Variants in SAMD5 observed in about 807,000 individuals in gnomAD.
SAMD5 encodes the protein sterile alpha motif domain containing 5.
SAMD5 carries 13 observed loss-of-function variants against 11.3 expected under a neutral mutation model. The observed-to-expected ratio is 1.15, with a 90% confidence interval of 0.75 to 1.83. The LOEUF is 1.83. SAMD5 is among the 40% of genes most tolerant of loss of function. The pLI, the probability that SAMD5 is intolerant of heterozygous loss-of-function variation, is 0.00. For missense variants in SAMD5, 255 were observed against 239.1 expected, an observed-to-expected ratio of 1.07 and a Z score of -0.44; for synonymous variants, 129 against 111.3, an observed-to-expected ratio of 1.16 and a Z score of -1.00.
At chr6:147,518,670 T>C (rs1788208579) in intron 1 of SAMD5, among the ~76,000 whole-genome samples, 1 of 152,186 alleles carries the variant, frequency 6.6e-6, no homozygotes, top group African/African-American at 2.4e-5. Flanking sequence ...GAACCATAAT[T>C]GATGACACAC....
At chr6:147,632,456 GTA>G (rs1413899008) in intron 1 of SAMD5, among the ~76,000 whole-genome samples, 5 of 152,300 alleles carry the variant, frequency 3.3e-5, no homozygotes, top group South Asian at 2.1e-4. Flanking sequence ...GGGGCAGAAA[GTA>G]TATGAGTCAG....
At chr6:147,680,553 A>G (rs1790926971) in intron 1 of SAMD5, among the ~76,000 whole-genome samples, 1 of 152,102 alleles carries the variant, frequency 6.6e-6, no homozygotes, top group Non-Finnish European at 1.5e-5. Flanking sequence ...ACTATGTTTA[A>G]TAGATATGGT....
At chr6:147,835,915 C>A in the SAMD5 span, among the ~76,000 whole-genome samples, 1 of 152,144 alleles carries the variant, frequency 6.6e-6, no homozygotes, top group East Asian at 1.9e-4. Context: ...TGCCTTCTGC[C>A]CCTCATTCCT....
rs1790663598 is a variant in SAMD5, at chr6:147,662,656, C to T, written c.163-74661C>T. On this transcript the variant is annotated intron_variant, in intron 1 of 1. Coordinates refer to the SAMD5 transcript ENST00000566741. Reference sequence around the variant, plus strand: ...AGGTCCCCTCACTTAGATTCTTTATCATGGGTGAGAGTGTCCAGATGAAAA... The same window carrying T: ...AGGTCCCCTCACTTAGATTCTTTATTATGGGTGAGAGTGTCCAGATGAAAA... 3.9e-5 allele frequency among the ~76,000 whole-genome samples: 6 copies of T among 152,166 alleles called. No homozygotes were observed. In the South Asian group the frequency reaches 1.2e-3, roughly 32 times the overall value.
At chr6:147,914,362 C>T in the SAMD5 span, among the ~76,000 whole-genome samples, 19,057 of 151,998 alleles carry the variant, frequency 0.13, 1,376 homozygotes, top group African/African-American at 0.19. Context: ...AACAAGATAA[C>T]CACAAGGCAT....
rs1013499465 is a variant in SAMD5, at chr6:147,568,965, G to T, written c.*4509G>T. The T allele has an allele frequency of 4.0e-5, 35 of 883,096 alleles. No homozygotes were observed. The highest frequency in any genetic ancestry group is 6.2e-5 in the Admixed American group (1 of 16,136). 54.7% of individuals were successfully genotyped at this position (883,096 alleles called of 1,614,324 possible). On this transcript the variant is annotated 3_prime_UTR_variant, in exon 2 of 2. Coordinates refer to ENST00000367474, the MANE Select transcript of SAMD5 (RefSeq NM_001030060.3). Reference sequence around the variant, plus strand: ...AAAATGGCTGGGCACGGTGGCTCACGCCTGTAATCCCAGCACTTTGGGAGG... The same window carrying T: ...AAAATGGCTGGGCACGGTGGCTCACTCCTGTAATCCCAGCACTTTGGGAGG...
chr6:147,859,333 T>G, the SAMD5 span, among the ~76,000 whole-genome samples: 2 of 152,156 alleles, frequency 1.3e-5, no homozygotes, highest in African/African-American at 2.4e-5. Context: ...ATGCCTACCA[T>G]AGGAAACAAT....
the SAMD5 span, among the ~76,000 whole-genome samples, chr6:147,788,390 A>T: frequency 6.6e-6 from 1 of 152,350 alleles, no homozygotes; most frequent in East Asian, 1.9e-4. Context: ...ATGAACTTGA[A>T]TATTATATTG....
intron 1 of SAMD5, among the ~76,000 whole-genome samples, chr6:147,612,906 T>C (rs989779715): frequency 1.3e-5 from 2 of 152,140 alleles, no homozygotes; most frequent in East Asian, 1.9e-4. Context: ...TCAGCTTTTA[T>C]GGAAAAATTT....
At chr6:147,690,567 G>A (rs1421455007) in intron 1 of SAMD5, among the ~76,000 whole-genome samples, 3 of 152,014 alleles carry the variant, frequency 2.0e-5, no homozygotes, top group Non-Finnish European at 4.4e-5. Flanking sequence ...GAGAATCACT[G>A]GAACCCAGGA....
Position 147,566,433 on chromosome 6 carries a change from C to T in SAMD5, c.*1977C>T, listed in dbSNP as rs702347. On this transcript the variant is annotated 3_prime_UTR_variant, in exon 2 of 2. Coordinates refer to ENST00000367474, the MANE Select transcript of SAMD5 (RefSeq NM_001030060.3). ...TGACCTCATTTCCAGGTGTCGCATC[C>T]GTGGCTGATTTATTTCACAGATGTA... is the stretch of plus-strand genomic sequence containing the variant. 369,395 of 983,850 alleles carry T rather than the reference C, an allele frequency of 0.38. 70,262 individuals are homozygous for T. Among genetic ancestry groups the T allele is most frequent in the African/African-American group, 0.52 (29,980 of 57,148 alleles). 60.9% of individuals were successfully genotyped at this position (983,850 alleles called of 1,614,324 possible).
the SAMD5 span, among the ~76,000 whole-genome samples, chr6:147,906,678 G>A: frequency 6.6e-6 from 1 of 152,180 alleles, no homozygotes; most frequent in Non-Finnish European, 1.5e-5. Context: ...TGCTCAGTGA[G>A]GTGGGAGAAG....
chr6:147,574,743 G>C (rs1314359151), downstream of SAMD5, among the ~76,000 whole-genome samples: 1 of 152,206 alleles, frequency 6.6e-6, no homozygotes, highest in African/African-American at 2.4e-5. Flanking sequence ...AGAAGGGTAA[G>C]AGACTGAATG....
intron 1 of SAMD5, among the ~76,000 whole-genome samples, chr6:147,727,102 C>T (rs574552571): frequency 6.6e-6 from 1 of 152,236 alleles, no homozygotes; most frequent in South Asian, 2.1e-4. Context: ...TATCCTGTGT[C>T]CCCCATAACC....
At chr6:147,604,277 GAA>G (rs1290722973) in intron 1 of SAMD5, among the ~76,000 whole-genome samples, 2 of 151,350 alleles carry the variant, frequency 1.3e-5, no homozygotes, top group South Asian at 2.1e-4. Flanking sequence ...TTAGATCAGT[GAA>G]AAGTCTCATT....
chr6:147,618,652 G>A lies in SAMD5; in HGVS notation c.162+109265G>A, dbSNP rs186147855. Among the ~76,000 whole-genome samples the A allele has an allele frequency of 2.1e-3, 324 of 152,276 alleles. 2 individuals are homozygous for A. Among genetic ancestry groups the A allele is most frequent in the African/African-American group, 7.5e-3 (313 of 41,572 alleles). On this transcript the variant is annotated intron_variant, in intron 1 of 1. Transcript: ENST00000566741. ...GTACCACTAACACCCAGTCCTTGGC[G>A]GGAGCCCATTATCTAGTCAGTCTGG...
At chr6:147,563,803 C>T (rs2128444480) in intron 1 of SAMD5, among the ~76,000 whole-genome samples, 1 of 152,360 alleles carries the variant, frequency 6.6e-6, no homozygotes, top group Non-Finnish European at 1.5e-5. Flanking sequence ...TAATTAACCT[C>T]TTTCCAGCTC....
At chr6:147,626,966 C>T (rs978983056) in intron 1 of SAMD5, among the ~76,000 whole-genome samples, 2 of 152,090 alleles carry the variant, frequency 1.3e-5, no homozygotes, top group Non-Finnish European at 2.9e-5. Context: ...TTCTTTCTTT[C>T]TCTAGGTCTT....
At chr6:147,698,312 C>T (rs62436333) in intron 1 of SAMD5, among the ~76,000 whole-genome samples, 6,958 of 152,170 alleles carry the variant, frequency 0.046, 184 homozygotes, top group African/African-American at 0.064. Flanking sequence ...CCCAGAGACC[C>T]CACCTCCTAA....
Sources: gnomAD v4.1 joint callset for allele counts (sites outside exome capture counted in the v4.1 genomes callset) on GRCh38, gnomAD v4.1.1 for gene constraint, MANE v1.5 for transcripts, NCBI Gene and HGNC (gene_info 2026-07-23, HGNC 2026-07-21) for gene names.